CDH13: variants seen among roughly 807,000 people sequenced by gnomAD.
The protein encoded by CDH13 is cadherin 13.
CDH13 carries 24 observed loss-of-function variants against 63.8 expected under a neutral mutation model. The ratio of observed to expected loss-of-function variants is 0.38; its 90% CI spans 0.27 to 0.53. CDH13 has a LOEUF of 0.53. Ranked by LOEUF, CDH13 falls within the 20% of genes least tolerant of loss-of-function variation. The pLI is 0.85. For missense variants in CDH13, 1,049 were observed against 903.1 expected (o/e 1.16, Z -2.07); for synonymous variants, 503 against 355.3 (o/e 1.42, Z -4.67).
intron 1 of CDH13, among the ~76,000 whole-genome samples, chr16:82,813,293 C>T (rs943499099): frequency 2.6e-5 from 4 of 152,086 alleles, no homozygotes; most frequent in Non-Finnish European, 5.9e-5. Flanking sequence ...GATGCTGATG[C>T]GTTTAGGGCT....
At chr16:83,123,258 A>G (rs2035666412) in intron 3 of CDH13, among the ~76,000 whole-genome samples, 1 of 150,622 alleles carries the variant, frequency 6.6e-6, no homozygotes, top group Admixed American at 6.6e-5. Flanking sequence ...AGATACAAAT[A>G]TATATATATA....
At chr16:83,545,119 A>G (rs559297867) in intron 7 of CDH13, among the ~76,000 whole-genome samples, 1 of 152,272 alleles carries the variant, frequency 6.6e-6, no homozygotes, top group South Asian at 2.1e-4. Flanking sequence ...CATGTTCTTT[A>G]CCCAACCAGG....
intron 10 of CDH13, among the ~76,000 whole-genome samples, chr16:83,728,333 A>ATGTGTGCGCGTGTGTG (rs1555521374): frequency 4.3e-5 from 2 of 46,850 alleles, no homozygotes; most frequent in Non-Finnish European, 1.3e-4. Context: ...GTGTATGTGT[A>ATGTGTGCGCGTGTGTG]TGTGTGTGCG....
intron 2 of CDH13, among the ~76,000 whole-genome samples, chr16:82,916,833 T>C (rs2042006196): frequency 6.6e-6 from 1 of 152,210 alleles, no homozygotes. Flanking sequence ...AGTTGTGGAA[T>C]ATATAGCATT....
intron 7 of CDH13, among the ~76,000 whole-genome samples, chr16:83,553,265 A>G (rs1173053478): frequency 1.3e-5 from 2 of 152,232 alleles, no homozygotes; most frequent in Non-Finnish European, 2.9e-5. Flanking sequence ...TGAAATAAAT[A>G]AACTGTTTTT....
At chr16:83,060,571 G>T (rs2031439156) in intron 3 of CDH13, among the ~76,000 whole-genome samples, 1 of 152,100 alleles carries the variant, frequency 6.6e-6, no homozygotes, top group Non-Finnish European at 1.5e-5. Context: ...GGTGTAGAAA[G>T]GTTAAGTAAC....
intron 7 of CDH13, among the ~76,000 whole-genome samples, chr16:83,546,721 GAGTA>G (rs1380340497): frequency 6.6e-6 from 1 of 152,136 alleles, no homozygotes; most frequent in African/African-American, 2.4e-5. Flanking sequence ...CCTGACCTCA[GAGTA>G]AACACCAGCC....
intron 1 of CDH13, among the ~76,000 whole-genome samples, chr16:82,654,470 T>C (rs1911075213): frequency 6.6e-6 from 1 of 152,238 alleles, no homozygotes; most frequent in Non-Finnish European, 1.5e-5. Flanking sequence ...GGCTGCCAAT[T>C]AAATGAAGAT....
At chr16:83,653,123 A>G (rs1035525855) in intron 8 of CDH13, among the ~76,000 whole-genome samples, 2 of 152,218 alleles carry the variant, frequency 1.3e-5, no homozygotes, top group Admixed American at 6.5e-5. Flanking sequence ...CAGAAAGCCA[A>G]TTAGTGGTTG....
intron 4 of CDH13, among the ~76,000 whole-genome samples, chr16:83,133,591 G>A (rs559942199): frequency 9.9e-5 from 15 of 152,016 alleles, no homozygotes; most frequent in East Asian, 5.8e-4. Flanking sequence ...CTCTGCCTCC[G>A]GGGTTCAAGA....
chr16:83,299,403 A>T (rs2089680220), intron 5 of CDH13, among the ~76,000 whole-genome samples: 1 of 151,940 alleles, frequency 6.6e-6, no homozygotes, highest in Non-Finnish European at 1.5e-5. Flanking sequence ...GTAGGTTTGG[A>T]CTCCTCATGC....
At chr16:82,895,816 G>T (rs2041236125) in intron 2 of CDH13, among the ~76,000 whole-genome samples, 1 of 152,068 alleles carries the variant, frequency 6.6e-6, no homozygotes, top group Admixed American at 6.6e-5. Context: ...CACGTCCACA[G>T]AAATTCCAAG....
intron 7 of CDH13, among the ~76,000 whole-genome samples, chr16:83,496,507 A>G (rs1304628387): frequency 6.6e-6 from 1 of 152,000 alleles, no homozygotes; most frequent in Non-Finnish European, 1.5e-5. Context: ...ACAAAAATCA[A>G]TTCAAGATGG....
intron 5 of CDH13, among the ~76,000 whole-genome samples, chr16:83,274,046 A>G (rs2088907443): frequency 6.6e-6 from 1 of 152,180 alleles, no homozygotes; most frequent in African/African-American, 2.4e-5. Context: ...GCTCTCTTCC[A>G]GCCTGCACTA....
At chr16:82,787,234 T>G (rs2036059917) in intron 1 of CDH13, among the ~76,000 whole-genome samples, 1 of 152,182 alleles carries the variant, frequency 6.6e-6, no homozygotes, top group African/African-American at 2.4e-5. Context: ...AATAATTGAT[T>G]TGACTTCTTC....
At chr16:83,627,380 T>C (rs1489370721) in intron 8 of CDH13, among the ~76,000 whole-genome samples, 1 of 152,072 alleles carries the variant, frequency 6.6e-6, no homozygotes, top group Non-Finnish European at 1.5e-5. Flanking sequence ...TGAACATACA[T>C]ACAGCGAAGC....
chr16:83,049,462 G>C (rs1450823697), intron 3 of CDH13, among the ~76,000 whole-genome samples: 2 of 151,424 alleles, frequency 1.3e-5, no homozygotes, highest in East Asian at 3.9e-4. Context: ...ATCCTCCCGA[G>C]TAGCTGGGAC....
chr16:82,655,591 G>A (rs151242182), intron 1 of CDH13, among the ~76,000 whole-genome samples: 609 of 152,286 alleles, frequency 4.0e-3, no homozygotes, highest in African/African-American at 0.014. Flanking sequence ...ACCACTGGTG[G>A]GGTTGGGGGA....
rs58717110 is a variant in CDH13 at position 82,952,885 on chromosome 16, C to T, written c.158-79125C>T. The stretch of plus-strand genomic sequence containing the variant: ...CACTAGTGCTTCTAATTTACTGAAG[C>T]CAGCTGGAAACCAGAAGACAAGGCT... On this transcript the variant is annotated intron_variant, in intron 2 of 13. Coordinates refer to ENST00000567109, the MANE Select transcript of CDH13 (RefSeq NM_001257.5). Among the ~76,000 whole-genome samples, 500 of 152,210 alleles carry T rather than the reference C, an allele frequency of 3.3e-3. 5 individuals are homozygous for T. The highest frequency in any genetic ancestry group is 0.012 in the African/African-American group (485 of 41,532).
Sources: gnomAD v4.1 joint callset for allele counts (sites outside exome capture counted in the v4.1 genomes callset) on GRCh38, gnomAD v4.1.1 for gene constraint, MANE v1.5 for transcripts, NCBI Gene and HGNC (gene_info 2026-07-23, HGNC 2026-07-21) for gene names.